The following MAPK10 variants were observed in gnomAD, a reference collection of about 807,000 sequenced individuals.
MAPK10 encodes JNK3 alpha protein kinase.
A neutral mutation model predicts 59.3 loss-of-function variants in MAPK10; 25 were observed. That is an observed-to-expected ratio of 0.42 (90% CI 0.31 to 0.59). MAPK10 has a LOEUF of 0.59. Ranked by LOEUF, MAPK10 falls within the 20% of genes least tolerant of loss-of-function variation. The pLI is 0.15. For synonymous variants in MAPK10, 190 were observed against 200.5 expected, an observed-to-expected ratio of 0.95 and a Z score of 0.44; for missense variants, 351 against 568.9, an observed-to-expected ratio of 0.62 and a Z score of 3.90.
At chr4:86,287,627 T>C (rs2095064876) in intron 2 of MAPK10, among the ~76,000 whole-genome samples, 1 of 152,202 alleles carries the variant, frequency 6.6e-6, no homozygotes, top group African/African-American at 2.4e-5. Flanking sequence ...CAACTTTCAT[T>C]GTTAAAATGC....
At chr4:86,101,013 A>G in intron 8 of MAPK10, 39 bp downstream of exon 8, 2 of 1,595,838 alleles carry the variant, frequency 1.3e-6, no homozygotes, top group East Asian at 2.2e-5. Context: ...CACCCGTTTC[A>G]TTCATGGTTT....
At chr4:86,287,432 T>A (rs2095055078) in intron 2 of MAPK10, among the ~76,000 whole-genome samples, 1 of 152,188 alleles carries the variant, frequency 6.6e-6, no homozygotes, top group Non-Finnish European at 1.5e-5. Flanking sequence ...CTAAATACAT[T>A]CTTGCTCTTT....
intron 4 of MAPK10, among the ~76,000 whole-genome samples, chr4:86,131,107 G>A (rs2060925824): frequency 2.0e-5 from 3 of 151,744 alleles, no homozygotes; most frequent in South Asian, 4.2e-4. Context: ...GATAAATTAT[G>A]GCAGATTGTA....
At chr4:86,330,160 T>G (rs2096120394) in intron 2 of MAPK10, among the ~76,000 whole-genome samples, 1 of 152,214 alleles carries the variant, frequency 6.6e-6, no homozygotes, top group South Asian at 2.1e-4. Flanking sequence ...AATCAATGTC[T>G]TTCCATTGGA....
chr4:86,534,854 C>T (rs536988210), intron 1 of MAPK10, among the ~76,000 whole-genome samples: 22 of 152,150 alleles, frequency 1.4e-4, no homozygotes, highest in East Asian at 3.9e-4. Flanking sequence ...TGCAGTGAAC[C>T]GAGATCGCGC....
intron 2 of MAPK10, among the ~76,000 whole-genome samples, chr4:86,225,614 G>T (rs1414389923): frequency 6.6e-6 from 1 of 152,154 alleles, no homozygotes; most frequent in Non-Finnish European, 1.5e-5. Flanking sequence ...ATCACACTCA[G>T]TGGTGGTCTT....
At chr4:86,363,774 T>G (rs1022420874), upstream of MAPK10, among the ~76,000 whole-genome samples, 3 of 152,156 alleles carry the variant, frequency 2.0e-5, no homozygotes, top group Non-Finnish European at 2.9e-5. Flanking sequence ...TAACTAAAAT[T>G]TTGGTTAAAT....
At chr4:86,458,612 C>T (rs1006602152) in intron 1 of MAPK10, among the ~76,000 whole-genome samples, 3 of 152,038 alleles carry the variant, frequency 2.0e-5, no homozygotes, top group Admixed American at 1.3e-4. Context: ...GAAATAAACC[C>T]AAATACTTAC....
At chr4:86,444,772 C>T (rs1330891744) in intron 1 of MAPK10, among the ~76,000 whole-genome samples, 4 of 150,094 alleles carry the variant, frequency 2.7e-5, no homozygotes, top group Non-Finnish European at 5.9e-5. Context: ...TGAACAGACA[C>T]TTCTCAAAAG....
At chr4:86,517,093 C>T (rs535036552) in intron 1 of MAPK10, among the ~76,000 whole-genome samples, 3 of 151,912 alleles carry the variant, frequency 2.0e-5, no homozygotes, top group African/African-American at 7.3e-5. Context: ...CCCTTCTTTG[C>T]TGATTTTGCT....
chr4:86,151,143 G>A (rs969529028), intron 4 of MAPK10, among the ~76,000 whole-genome samples: 3 of 152,100 alleles, frequency 2.0e-5, no homozygotes, highest in Admixed American at 6.5e-5. Context: ...CCAGCCTGAC[G>A]GTGTCCCTCA....
intron 2 of MAPK10, among the ~76,000 whole-genome samples, chr4:86,316,685 G>A (rs2148882383): frequency 6.6e-6 from 1 of 152,204 alleles, no homozygotes; most frequent in African/African-American, 2.4e-5. Flanking sequence ...GTAAGAAAAT[G>A]GTCATTGACT....
intron 1 of MAPK10, among the ~76,000 whole-genome samples, chr4:86,365,671 G>A (rs2869436): frequency 0.7 from 105,695 of 151,318 alleles, 38,340 homozygotes; most frequent in South Asian, 0.9. Context: ...GGAGTGTTAT[G>A]TTGTGATATA....
At chr4:86,545,327 C>T (rs1014337246) in intron 1 of MAPK10, among the ~76,000 whole-genome samples, 1 of 152,176 alleles carries the variant, frequency 6.6e-6, no homozygotes, top group African/African-American at 2.4e-5. Context: ...TGCTTTCTTT[C>T]CCCTCATCCG....
chr4:86,210,163 T>G (rs945665424), intron 2 of MAPK10, among the ~76,000 whole-genome samples: 4 of 152,014 alleles, frequency 2.6e-5, no homozygotes, highest in Non-Finnish European at 5.9e-5. Context: ...GACCTCAAAC[T>G]ATAAAAGTTC....
chr4:86,584,939 A>G (rs1565079373), intron 1 of MAPK10, among the ~76,000 whole-genome samples: 1 of 152,186 alleles, frequency 6.6e-6, no homozygotes, highest in South Asian at 2.1e-4. Flanking sequence ...CCAAGACAGT[A>G]GCTCAATAAT....
At position 86,587,922 on chromosome 4, in the gene MAPK10, C is replaced by T. The variant is rs536402298; in HGVS notation, c.-263+5988G>A. 3.9e-5 allele frequency among the ~76,000 whole-genome samples: 6 copies of T among 152,306 alleles called. No individual in the cohort carries two copies. In the East Asian group the frequency reaches 1.2e-3, roughly 29 times the overall value. ...GTCCCAGCTACTTGGTAGGCTGAGGCTGTAGATTCACTTGAGCCCAGGAGT... is the reference window on the plus strand; with the variant it reads ...GTCCCAGCTACTTGGTAGGCTGAGGTTGTAGATTCACTTGAGCCCAGGAGT... On this transcript the variant is annotated intron_variant, in intron 1 of 4. Coordinates refer to the MAPK10 transcript ENST00000502302.
intron 2 of MAPK10, among the ~76,000 whole-genome samples, chr4:86,288,061 G>A (rs2095086044): frequency 6.6e-6 from 1 of 152,108 alleles, no homozygotes; most frequent in African/African-American, 2.4e-5. Flanking sequence ...ACTAACGCTA[G>A]TTCTGACTTC....
At chr4:86,374,803 C>T (rs1564754522) in intron 1 of MAPK10, among the ~76,000 whole-genome samples, 1 of 152,184 alleles carries the variant, frequency 6.6e-6, no homozygotes, top group Non-Finnish European at 1.5e-5. Flanking sequence ...AATCCCCATT[C>T]ATATACACAA....
Sources: gnomAD v4.1 joint callset for allele counts (sites outside exome capture counted in the v4.1 genomes callset) on GRCh38, gnomAD v4.1.1 for gene constraint, MANE v1.5 for transcripts, NCBI Gene and HGNC (gene_info 2026-07-23, HGNC 2026-07-21) for gene names.